The following PDE4B variants were observed in gnomAD, a reference collection of about 807,000 sequenced individuals.
The protein encoded by PDE4B is phosphodiesterase 4B.
A neutral mutation model predicts 82.2 loss-of-function variants in PDE4B; 20 were observed. The observed-to-expected ratio is 0.24, with a 90% CI of 0.17 to 0.35. The LOEUF is 0.35. Ranked by LOEUF, PDE4B falls within the 10% of genes least tolerant of loss-of-function variation. The pLI, the probability that PDE4B is intolerant of heterozygous loss-of-function variation, is 1.00. For synonymous variants in PDE4B, 320 were observed against 318.9 expected, an observed-to-expected ratio of 1.00 and a Z score of -0.04; for missense variants, 655 against 907.2, an observed-to-expected ratio of 0.72 and a Z score of 3.57.
chr1:65,851,846 AT>A (rs1386937799), intron 1 of PDE4B, among the ~76,000 whole-genome samples: 1 of 151,912 alleles, frequency 6.6e-6, no homozygotes, highest in African/African-American at 2.4e-5. Flanking sequence ...GTTATCCGAT[AT>A]TGGGGGAAAG....
chr1:66,257,404 T>C (rs761737023), intron 4 of PDE4B: 1 of 706,294 alleles, frequency 1.4e-6, no homozygotes, highest in Admixed American at 1.9e-5. Flanking sequence ...ATATGCTTAC[T>C]TGCAAATGCT....
chr1:65,942,150 T>G (rs1355959244), intron 3 of PDE4B, among the ~76,000 whole-genome samples: 5 of 152,016 alleles, frequency 3.3e-5, no homozygotes, highest in Admixed American at 6.6e-5. Flanking sequence ...TCAACTTCCT[T>G]CTTTCTCTTC....
intron 8 of PDE4B, among the ~76,000 whole-genome samples, chr1:66,336,144 C>T (rs192890984): frequency 6.6e-6 from 1 of 152,290 alleles, no homozygotes; most frequent in African/African-American, 2.4e-5. Context: ...TTCCTGACCT[C>T]GTGTCACCAA....
intron 3 of PDE4B, among the ~76,000 whole-genome samples, chr1:66,183,585 G>GATTTTA (rs1647118138): frequency 6.6e-6 from 1 of 152,066 alleles, no homozygotes; most frequent in South Asian, 2.1e-4. Flanking sequence ...AATCTGTATA[G>GATTTTA]CACTTTAAAG....
At chr1:65,963,392 G>A (rs1649647195) in intron 3 of PDE4B, among the ~76,000 whole-genome samples, 1 of 152,158 alleles carries the variant, frequency 6.6e-6, no homozygotes, top group Non-Finnish European at 1.5e-5. Flanking sequence ...GGAGAATGTC[G>A]CAGCTGTCAG....
intron 3 of PDE4B, among the ~76,000 whole-genome samples, chr1:66,065,928 C>A (rs1031958045): frequency 1.3e-5 from 2 of 151,634 alleles, no homozygotes; most frequent in South Asian, 4.2e-4. Context: ...TTTATTTAAC[C>A]GTAGTACAAA....
In PDE4B at chr1:66,285,978, T is replaced by C. The variant is rs146617617; in HGVS notation, c.634+19891T>C. Among the ~76,000 whole-genome samples the C allele has an allele frequency of 3.0e-4, 45 of 152,286 alleles. 1 individual carries two copies. The East Asian group carries it at 8.3e-3, about 28-fold the overall frequency. ...AGAAGACAAAGAATAGAGGACTTCC[T>C]TTCCTTCAGCAAACAGCTGACACAC... On this transcript the variant is annotated intron_variant, in intron 7 of 16. Coordinates refer to ENST00000341517, the MANE Select transcript of PDE4B (RefSeq NM_002600.4).
At chr1:66,086,716 G>A (rs1657025253) in intron 3 of PDE4B, among the ~76,000 whole-genome samples, 1 of 152,146 alleles carries the variant, frequency 6.6e-6, no homozygotes, top group Admixed American at 6.6e-5. Context: ...CTTCCAATTA[G>A]CATTTCATTC....
intron 13 of PDE4B, 94 bp downstream of exon 13, chr1:66,365,860 G>A (rs1357304390): frequency 4.6e-6 from 3 of 652,596 alleles, no homozygotes; most frequent in Non-Finnish European, 7.8e-6. Context: ...ATAATCACAA[G>A]GATAATAATG....
At chr1:65,961,455 A>G (rs1266229643) in intron 3 of PDE4B, among the ~76,000 whole-genome samples, 2 of 152,212 alleles carry the variant, frequency 1.3e-5, no homozygotes, top group Non-Finnish European at 2.9e-5. Flanking sequence ...TTATAATATT[A>G]TAATTTTATA....
At chr1:66,090,621 A>ATATATATATATGTG in intron 3 of PDE4B, among the ~76,000 whole-genome samples, 10 of 122,732 alleles carry the variant, frequency 8.1e-5, no homozygotes, top group African/African-American at 3.7e-4. Flanking sequence ...TATATAATAT[A>ATATATATATATGTG]TGTGTGTGTG....
chr1:66,218,935 G>GA (rs1249963143), intron 3 of PDE4B, among the ~76,000 whole-genome samples: 1 of 152,008 alleles, frequency 6.6e-6, no homozygotes, highest in Non-Finnish European at 1.5e-5. Flanking sequence ...TTTGTTTATA[G>GA]AAAAAAATCA....
rs1335732035 is a variant in PDE4B at position 66,331,653 on chromosome 1, A to C, written c.635-855A>C. 5 of 652,382 alleles carry C rather than the reference A, an allele frequency of 7.7e-6. No homozygotes were observed. The East Asian group carries it at 5.5e-4, about 72-fold the overall frequency. 40.4% of individuals were successfully genotyped at this position (652,382 alleles called of 1,614,324 possible). ...TGGAGCCCCCAGCTTTAATCAAAAT[A>C]AAAATCTGCAGAGTGTTCACATCTG... is the stretch of plus-strand genomic sequence containing the variant. On this transcript the variant is annotated intron_variant, in intron 7 of 16. Coordinates refer to ENST00000341517, the MANE Select transcript of PDE4B (RefSeq NM_002600.4).
chr1:66,065,756 T>G (rs1303899518), intron 3 of PDE4B, among the ~76,000 whole-genome samples: 1 of 151,894 alleles, frequency 6.6e-6, no homozygotes, highest in African/African-American at 2.4e-5. Flanking sequence ...GAATGAACAC[T>G]GAAATTCAGT....
chr1:66,368,787 G>T lies in PDE4B; in HGVS notation c.1663G>T (p.Val555Phe). 6.6e-7 allele frequency: 1 copy of T among 1,517,304 alleles called. No homozygotes were observed. Among genetic ancestry groups the T allele is most frequent in the African/African-American group, 1.4e-5 (1 of 71,618 alleles). 94.0% of individuals were successfully genotyped at this position (1,517,304 alleles called of 1,614,324 possible). A position where few individuals can be genotyped will look rare whatever the true frequency, so the allele number is the denominator to read the frequency against. Reference sequence around the variant, plus strand: ...GATTTCCAAAACTTGATGATTTCAGGTCCTTCGCAACATGGTACACTGTGC... The same window carrying T: ...GATTTCCAAAACTTGATGATTTCAGTTCCTTCGCAACATGGTACACTGTGC... ...LLDNYTDRIQ[V>F]LRNMVHCADL... The change falls in exon 16 of 17, where the codon GTC becomes TTC. Residue 555 changes from valine to phenylalanine, a missense_variant and splice_region_variant. This residue lies in a region of PDE4B where 283 missense variants were observed against 516.4 expected (regional missense o/e 0.55). Transcript: ENST00000341517.
chr1:66,283,981 C>T (rs1466013118), intron 7 of PDE4B, among the ~76,000 whole-genome samples: 1 of 152,190 alleles, frequency 6.6e-6, no homozygotes, highest in Non-Finnish European at 1.5e-5. Context: ...CAACATGAAT[C>T]AGGCATTATG....
intron 3 of PDE4B, among the ~76,000 whole-genome samples, chr1:66,065,121 A>G (rs2100908316): frequency 6.6e-6 from 1 of 152,000 alleles, no homozygotes; most frequent in East Asian, 1.9e-4. Flanking sequence ...AGATTTATAA[A>G]TAATGTATTA....
intron 3 of PDE4B, among the ~76,000 whole-genome samples, chr1:65,967,088 G>A (rs1187550947): frequency 6.6e-6 from 1 of 152,176 alleles, no homozygotes; most frequent in Non-Finnish European, 1.5e-5. Flanking sequence ...ACTATCATCA[G>A]TGTGAACAGG....
At chr1:65,975,384 C>G (rs1200766837) in intron 3 of PDE4B, among the ~76,000 whole-genome samples, 4 of 152,164 alleles carry the variant, frequency 2.6e-5, no homozygotes, top group African/African-American at 9.7e-5. Flanking sequence ...AAGAGATTAT[C>G]TGAAACTGGA....
Sources: allele counts gnomAD v4.1 joint callset (sites outside exome capture counted in the v4.1 genomes callset), GRCh38; gene constraint gnomAD v4.1.1; regional missense constraint gnomAD v4.1.1; transcripts MANE v1.5; gene names NCBI Gene and HGNC (gene_info 2026-07-23, HGNC 2026-07-21).